CACNA2D3: variants seen among roughly 807,000 people sequenced by gnomAD.
CACNA2D3 encodes the protein calcium voltage-gated channel auxiliary subunit alpha2delta 3.
In CACNA2D3, 60 loss-of-function variants were observed where a neutral mutation model predicts 160.6. The observed-to-expected ratio is 0.37, with a 90% confidence interval of 0.30 to 0.46. The LOEUF is 0.46. Ranked by LOEUF, CACNA2D3 falls within the 20% of genes least tolerant of loss-of-function variation. The pLI is 1.00. For synonymous variants in CACNA2D3, 558 were observed against 492.9 expected, an observed-to-expected ratio of 1.13 and a Z score of -1.75; for missense variants, 1,205 against 1,365.0, an observed-to-expected ratio of 0.88 and a Z score of 1.85.
chr3:54,638,917 G>A (rs1319852556), intron 10 of CACNA2D3: 1 of 151,968 alleles, frequency 6.6e-6, no homozygotes, highest in African/African-American at 2.4e-5. Flanking sequence ...AAGAATACAT[G>A]CTAAGGGAGA....
intron 2 of CACNA2D3, among the ~76,000 whole-genome samples, chr3:54,188,984 C>G (rs12493260): frequency 0.038 from 5,760 of 152,246 alleles, 148 homozygotes; most frequent in South Asian, 0.09. Context: ...CCCCACCTCA[C>G]TCCTGCAATA....
intron 13 of CACNA2D3, among the ~76,000 whole-genome samples, chr3:54,799,971 C>A (rs1206996379): frequency 2.0e-5 from 3 of 152,206 alleles, no homozygotes; most frequent in African/African-American, 7.2e-5. Context: ...ACATTGGCTC[C>A]AAGCTCACAA....
intron 11 of CACNA2D3, among the ~76,000 whole-genome samples, chr3:54,644,422 A>C (rs1699591922): frequency 6.6e-6 from 1 of 152,164 alleles, no homozygotes; most frequent in African/African-American, 2.4e-5. Context: ...ATACATATAC[A>C]TTCTCTTCTT....
At chr3:54,926,854 G>A (rs1286710927) in intron 27 of CACNA2D3, among the ~76,000 whole-genome samples, 1 of 151,690 alleles carries the variant, frequency 6.6e-6, no homozygotes, top group East Asian at 1.9e-4. Context: ...ACTGGGAGAG[G>A]GTCTCTGGAA....
chr3:54,880,156 G>A (rs745318993), intron 20 of CACNA2D3, among the ~76,000 whole-genome samples: 21 of 152,196 alleles, frequency 1.4e-4, no homozygotes, highest in Non-Finnish European at 1.9e-4. Context: ...GGAACCAGGA[G>A]CAAATAAGGA....
intron 11 of CACNA2D3, among the ~76,000 whole-genome samples, chr3:54,666,525 G>A (rs1700072117): frequency 6.6e-6 from 1 of 152,202 alleles, no homozygotes; most frequent in Non-Finnish European, 1.5e-5. Context: ...GATGCTCTGT[G>A]TGCAGAGATC....
chr3:54,301,266 AAAC>A (rs57134946), intron 2 of CACNA2D3, among the ~76,000 whole-genome samples: 6 of 150,350 alleles, frequency 4.0e-5, no homozygotes, highest in South Asian at 2.1e-4. Flanking sequence ...CAAAACAAAC[AAAC>A]AACAACAACA....
intron 11 of CACNA2D3, among the ~76,000 whole-genome samples, chr3:54,737,616 T>G (rs1032030134): frequency 6.6e-6 from 1 of 152,078 alleles, no homozygotes; most frequent in Non-Finnish European, 1.5e-5. Context: ...ATTTTGACTT[T>G]TATTTTAAAT....
At chr3:54,581,970 C>A in intron 9 of CACNA2D3, 93 bp downstream of exon 9, 1 of 1,053,972 alleles carries the variant, frequency 9.5e-7, no homozygotes, top group Non-Finnish European at 1.4e-6. Flanking sequence ...ATCAAATGCA[C>A]TGCCCTTTCA....
intron 17 of CACNA2D3, among the ~76,000 whole-genome samples, chr3:54,855,893 C>A (rs564326770): frequency 2.6e-5 from 4 of 152,322 alleles, no homozygotes; most frequent in African/African-American, 9.6e-5. Context: ...AGCTCACAGT[C>A]TGACACCACC....
At chr3:55,023,020 T>C (rs1275728173) in intron 35 of CACNA2D3, among the ~76,000 whole-genome samples, 3 of 152,140 alleles carry the variant, frequency 2.0e-5, no homozygotes, top group Non-Finnish European at 2.9e-5. Flanking sequence ...GCTTTTTGTT[T>C]TACAGTACTT....
intron 4 of CACNA2D3, among the ~76,000 whole-genome samples, chr3:54,485,799 A>G (rs1431846664): frequency 6.6e-6 from 1 of 152,106 alleles, no homozygotes; most frequent in African/African-American, 2.4e-5. Context: ...CCTGACCTCA[A>G]TTGATCCACC....
chr3:55,034,645 C>G (rs554747374), intron 35 of CACNA2D3, among the ~76,000 whole-genome samples: 308 of 151,446 alleles, frequency 2.0e-3, no homozygotes, highest in African/African-American at 7.2e-3. Flanking sequence ...GGTTTTTTTT[C>G]AAAAATAGAA....
chr3:55,074,065 GTGTCCTGGAGTCTA>G (rs1559480512), intron 37 of CACNA2D3, 35 bp from the exon 38 acceptor site: 1 of 1,470,100 alleles, frequency 6.8e-7, no homozygotes. Flanking sequence ...AAAGTTGAAG[GTGTCCTGGAGTCTA>G]TTTCCGTCTA....
intron 35 of CACNA2D3, among the ~76,000 whole-genome samples, chr3:55,059,334 T>C (rs1280470827): frequency 6.6e-6 from 1 of 152,218 alleles, no homozygotes; most frequent in Non-Finnish European, 1.5e-5. Context: ...TTTTCTCTGT[T>C]TACCAGAGAA....
Position 54,821,689 on chromosome 3 carries a change from T to C in CACNA2D3, c.1398+4819T>C, listed in dbSNP as rs200912088. 6.2e-3 allele frequency among the ~76,000 whole-genome samples: 557 copies of C among 90,082 alleles called. 6 individuals are homozygous for C. Among genetic ancestry groups the C allele is most frequent in the East Asian group, 0.05 (109 of 2,192 alleles). The allele number at this position is 90,082 out of a possible 152,430, so 59.1% of individuals were successfully genotyped here. ...CTTTCTTTCTTTCTTTCTTTCTTTC[T>C]TTCTTTCTTTCCTTCCTTCCTTCTT... On this transcript the variant is annotated intron_variant, in intron 14 of 37. Coordinates refer to ENST00000474759, the MANE Select transcript of CACNA2D3 (RefSeq NM_018398.3).
chr3:55,043,816 A>G (rs1704014589), intron 35 of CACNA2D3, among the ~76,000 whole-genome samples: 1 of 152,176 alleles, frequency 6.6e-6, no homozygotes, highest in African/African-American at 2.4e-5. Context: ...ATTTTTATAC[A>G]TGGTGTGATT....
At chr3:54,739,807 ATG>A (rs960144871) in intron 11 of CACNA2D3, among the ~76,000 whole-genome samples, 4 of 150,120 alleles carry the variant, frequency 2.7e-5, no homozygotes, top group African/African-American at 7.4e-5. Flanking sequence ...AATTATATAT[ATG>A]TGTGTGTGTA....
intron 5 of CACNA2D3, among the ~76,000 whole-genome samples, chr3:54,509,424 C>T (rs1701423864): frequency 6.6e-6 from 1 of 152,110 alleles, no homozygotes; most frequent in Non-Finnish European, 1.5e-5. Context: ...GGATTCTGAA[C>T]TAAAGCATTT....
Sources: gnomAD v4.1 joint callset for allele counts (sites outside exome capture counted in the v4.1 genomes callset) on GRCh38, gnomAD v4.1.1 for gene constraint, MANE v1.5 for transcripts, NCBI Gene and HGNC (gene_info 2026-07-23, HGNC 2026-07-21) for gene names.